DMD: variants seen among roughly 807,000 people sequenced by gnomAD.
DMD encodes mutant dystrophin.
Under a neutral mutation model 330.1 loss-of-function variants are expected in DMD, and 63 were observed. That is an observed-to-expected ratio of 0.19 (90% confidence interval 0.16 to 0.24). The LOEUF is 0.24. DMD is among the 10% of genes least tolerant of loss of function. DMD has a pLI of 1.00. For synonymous variants in DMD, 1,223 were observed against 959.8 expected, an observed-to-expected ratio of 1.27 and a Z score of -5.07; for missense variants, 3,344 against 2,684.1, an observed-to-expected ratio of 1.25 and a Z score of -5.43.
chrX:33,009,660 GTATATGTGTATACGTA>G (rs1297638969), intron 2 of DMD, among the ~76,000 whole-genome samples: 3 of 38,158 alleles, frequency 7.9e-5, no homozygotes, highest in African/African-American at 3.0e-4. Context: ...GTGTATACGT[GTATATGTGTATACGTA>G]TATGTGTATA....
chrX:32,895,456 C>T (rs1241378038), intron 2 of DMD, among the ~76,000 whole-genome samples: 1 of 111,744 alleles, frequency 8.9e-6, no homozygotes, highest in Non-Finnish European at 1.9e-5. Context: ...GAAAAATCTT[C>T]CTTCGTGTAG....
chrX:31,677,264 C>T (rs959805073), intron 53 of DMD, among the ~76,000 whole-genome samples: 3 of 111,390 alleles, frequency 2.7e-5, no homozygotes, highest in Non-Finnish European at 5.7e-5. Context: ...TAAACCCTAA[C>T]CATTCTTACC....
chrX:32,513,946 A>G (rs867554984), intron 18 of DMD, among the ~76,000 whole-genome samples: 2 of 111,991 alleles, frequency 1.8e-5, no homozygotes, highest in African/African-American at 3.3e-5. Context: ...AAAGAATTTC[A>G]TGAGGGAAAA....
chrX:33,204,073 G>A (rs1398178676), intron 1 of DMD, among the ~76,000 whole-genome samples: 3 of 111,535 alleles, frequency 2.7e-5, no homozygotes, highest in Admixed American at 9.6e-5. Flanking sequence ...ATGAGCTACC[G>A]TAATTGCTTC....
chrX:32,607,248 C>A (rs1404317331), intron 12 of DMD, among the ~76,000 whole-genome samples: 2 of 110,223 alleles, frequency 1.8e-5, no homozygotes, highest in African/African-American at 6.6e-5. Flanking sequence ...TGCTTATTTT[C>A]TTTCATTTCT....
chrX:32,692,083 C>A lies in DMD; in HGVS notation c.960+5787G>T, dbSNP rs189988087. Among the ~76,000 whole-genome samples, 20 of 112,103 alleles carry A rather than the reference C, an allele frequency of 1.8e-4. No individual in the cohort carries two copies. The East Asian group carries it at 5.6e-3, about 32-fold the overall frequency. On this transcript the variant is annotated intron_variant, in intron 9 of 78. Transcript: ENST00000357033. ...AAAATTCTCAAGATCTGTTGTACAA[C>A]TTGTACCTATACTGAACAATGCTGT...
chrX:32,411,957 T>C, intron 29 of DMD, 44 bp from the exon 30 acceptor site: 1 of 1,197,730 alleles, frequency 8.3e-7, no homozygotes, highest in Non-Finnish European at 1.1e-6. Flanking sequence ...TGTTTACTCT[T>C]GATAGCTTTT....
intron 44 of DMD, among the ~76,000 whole-genome samples, chrX:32,211,490 T>TA (rs1421988153): frequency 2.7e-5 from 3 of 111,857 alleles, no homozygotes; most frequent in East Asian, 2.8e-4. Context: ...TATGGAGCAG[T>TA]AAAACACACT....
chrX:31,662,763 G>T (rs1179066988), intron 53 of DMD, among the ~76,000 whole-genome samples: 1 of 111,745 alleles, frequency 8.9e-6, no homozygotes, highest in Non-Finnish European at 1.9e-5. Context: ...CTAGGATGGG[G>T]TTACTTGCTC....
chrX:32,229,681 C>CATAT (rs55916475), intron 43 of DMD, among the ~76,000 whole-genome samples: 1,651 of 24,144 alleles, frequency 0.068, 73 homozygotes, highest in Non-Finnish European at 0.079. Context: ...AGAGTTTCAT[C>CATAT]ATATATATAT....
At chrX:32,357,481 A>T (rs1313633726) in intron 37 of DMD, among the ~76,000 whole-genome samples, 1 of 111,294 alleles carries the variant, frequency 9.0e-6, no homozygotes, top group Non-Finnish European at 1.9e-5. Flanking sequence ...AAGTGCATAC[A>T]AAAGATTTAC....
chrX:31,841,770 A>G (rs2093322756), intron 48 of DMD, among the ~76,000 whole-genome samples: 1 of 112,423 alleles, frequency 8.9e-6, no homozygotes, highest in Admixed American at 9.4e-5. Context: ...TTTTAGGCCC[A>G]CTGGCCATAC....
chrX:31,673,130 T>C (rs1430128491), intron 53 of DMD, among the ~76,000 whole-genome samples: 1 of 112,300 alleles, frequency 8.9e-6, no homozygotes, highest in African/African-American at 3.2e-5. Context: ...CTACACTCTC[T>C]GGTGGCTAAA....
intron 19 of DMD, among the ~76,000 whole-genome samples, chrX:32,501,314 T>C (rs1176229733): frequency 1.8e-5 from 2 of 112,019 alleles, no homozygotes; most frequent in East Asian, 5.6e-4. Context: ...ATGTCATATA[T>C]ATTATTACAA....
intron 43 of DMD, among the ~76,000 whole-genome samples, chrX:32,252,763 AAT>A (rs1258670616): frequency 3.1e-4 from 6 of 19,320 alleles, no homozygotes; most frequent in Admixed American, 1.4e-3. Flanking sequence ...TAAATATATA[AAT>A]ATATATAAAT....
intron 55 of DMD, among the ~76,000 whole-genome samples, chrX:31,579,134 T>C (rs2076232951): frequency 8.9e-6 from 1 of 111,998 alleles, no homozygotes; most frequent in Non-Finnish European, 1.9e-5. Flanking sequence ...GCAGAGAAGT[T>C]TGGGCTTTCT....
intron 60 of DMD, among the ~76,000 whole-genome samples, chrX:31,407,797 T>A (rs1445946474): frequency 9.0e-6 from 1 of 111,009 alleles, no homozygotes; most frequent in East Asian, 2.8e-4. Context: ...TTTTTAAAAA[T>A]TATCACTCAA....
intron 1 of DMD, among the ~76,000 whole-genome samples, chrX:33,156,491 T>C (rs2048512412): frequency 8.9e-6 from 1 of 112,134 alleles, no homozygotes; most frequent in Non-Finnish European, 1.9e-5. Flanking sequence ...GCATATGGTA[T>C]GTGCTAGCGT....
intron 1 of DMD, among the ~76,000 whole-genome samples, chrX:33,166,884 C>T (rs2049084425): frequency 9.1e-6 from 1 of 110,292 alleles, no homozygotes; most frequent in African/African-American, 3.3e-5. Context: ...AATTTCTACT[C>T]AAATAAATCT....
Sources: gnomAD v4.1 joint callset for allele counts (sites outside exome capture counted in the v4.1 genomes callset) on GRCh38, gnomAD v4.1.1 for gene constraint, MANE v1.5 for transcripts, NCBI Gene and HGNC (gene_info 2026-07-23, HGNC 2026-07-21) for gene names.